Variants in PRDM10 observed in about 807,000 individuals in gnomAD.
PRDM10 encodes the protein PR domain zinc finger protein 10.
In PRDM10, 65 loss-of-function variants were observed where a neutral mutation model predicts 133.1. The ratio of observed to expected loss-of-function variants is 0.49; its 90% CI spans 0.40 to 0.60. PRDM10 has a LOEUF of 0.60. Ranked by LOEUF, PRDM10 falls within the 20% of genes least tolerant of loss-of-function variation. The pLI, the probability that PRDM10 is intolerant of heterozygous loss-of-function variation, is 0.00. For missense variants in PRDM10, 1,137 were observed against 1,507.1 expected, an observed-to-expected ratio of 0.75 and a Z score of 4.07; for synonymous variants, 582 against 580.4, an observed-to-expected ratio of 1.00 and a Z score of -0.04.
At chr11:129,910,137 A>C (rs145083910) in intron 19 of PRDM10, among the ~76,000 whole-genome samples, 44 of 152,366 alleles carry the variant, frequency 2.9e-4, no homozygotes, top group Admixed American at 1.7e-3. Flanking sequence ...TGGCATAGCC[A>C]GTGTCTAGTA....
intron 8 of PRDM10, 41 bp from the exon 9 acceptor site, chr11:129,935,259 T>C (rs774813107): frequency 1.6e-5 from 24 of 1,464,170 alleles, no homozygotes; most frequent in Non-Finnish European, 2.0e-5. Context: ...TGATGACCAA[T>C]AGACACCAGT....
At position 129,932,244 on chromosome 11, in the gene PRDM10, G is replaced by T; in HGVS notation, c.1158-13C>A. The T allele has an allele frequency of 6.2e-7, 1 of 1,613,472 alleles. No individual in the cohort carries two copies. Among genetic ancestry groups the T allele is most frequent in the Non-Finnish European group, 8.5e-7 (1 of 1,179,494 alleles). On this transcript the variant is annotated splice_polypyrimidine_tract_variant and intron_variant, in intron 9 of 20. Coordinates refer to ENST00000360871, the MANE Select transcript of PRDM10 (RefSeq NM_199437.2). Reference sequence around the variant, plus strand: ...TCTGCCTCTTGTTCTGGGGACAAGAGATTGGGTTACAGGTCGTCATGGTTA... The same window carrying T: ...TCTGCCTCTTGTTCTGGGGACAAGATATTGGGTTACAGGTCGTCATGGTTA...
At chr11:129,955,942 G>A (rs1365394815) in intron 3 of PRDM10, among the ~76,000 whole-genome samples, 1 of 152,174 alleles carries the variant, frequency 6.6e-6, no homozygotes, top group African/African-American at 2.4e-5. Context: ...GCTCACGGGA[G>A]TAGACTTGTG....
intron 13 of PRDM10, among the ~76,000 whole-genome samples, chr11:129,921,531 C>A (rs533171232): frequency 6.6e-6 from 1 of 152,136 alleles, no homozygotes; most frequent in African/African-American, 2.4e-5. Flanking sequence ...GATTTATCTG[C>A]GTGAAGAGCT....
intron 1 of PRDM10, among the ~76,000 whole-genome samples, chr11:129,963,323 C>G (rs1337024881): frequency 6.6e-6 from 1 of 150,482 alleles, no homozygotes; most frequent in Non-Finnish European, 1.5e-5. Flanking sequence ...GGGAGGATCC[C>G]TTGAGCCCAG....
At chr11:129,948,258 A>C (rs749560970) in intron 4 of PRDM10, among the ~76,000 whole-genome samples, 2 of 152,212 alleles carry the variant, frequency 1.3e-5, no homozygotes, top group Non-Finnish European at 2.9e-5. Flanking sequence ...CCCTTTATGC[A>C]ATCTTGCTCC....
intron 1 of PRDM10, among the ~76,000 whole-genome samples, chr11:129,980,646 A>T (rs1312736166): frequency 6.6e-6 from 1 of 152,180 alleles, no homozygotes; most frequent in Non-Finnish European, 1.5e-5. Context: ...TTATTATTTG[A>T]CCACAACAAG....
In PRDM10 at chr11:129,962,055, G is replaced by A. The variant is rs986400315; in HGVS notation, c.-118-973C>T. On this transcript the variant is annotated intron_variant, in intron 1 of 20. Transcript: ENST00000360871. Reference sequence around the variant, plus strand: ...AAGTGGAGGGAGCTACATTTTCTGCGTAAAAAATTTGGTGAATGCAAATAC... The same window carrying A: ...AAGTGGAGGGAGCTACATTTTCTGCATAAAAAATTTGGTGAATGCAAATAC... 5.9e-5 allele frequency among the ~76,000 whole-genome samples: 9 copies of A among 152,238 alleles called. No individual in the cohort carries two copies. The East Asian group carries it at 9.7e-4, about 16-fold the overall frequency.
intron 1 of PRDM10, among the ~76,000 whole-genome samples, chr11:129,964,151 G>T (rs1334439536): frequency 6.6e-6 from 1 of 152,124 alleles, no homozygotes; most frequent in South Asian, 2.1e-4. Flanking sequence ...CTTCAGCTTG[G>T]CTCACTGATG....
chr11:130,002,071 G>A (rs1186199651), intron 1 of PRDM10, among the ~76,000 whole-genome samples: 17 of 151,224 alleles, frequency 1.1e-4, no homozygotes, highest in Admixed American at 1.1e-3. Context: ...CCATCGAACA[G>A]GACCCTCCGC....
intron 9 of PRDM10, among the ~76,000 whole-genome samples, chr11:129,933,471 T>TTA (rs1406125274): frequency 3.3e-5 from 5 of 152,076 alleles, no homozygotes; most frequent in East Asian, 1.9e-4. Context: ...TAAGAACTCT[T>TTA]TATATATATA....
intron 13 of PRDM10, among the ~76,000 whole-genome samples, chr11:129,920,001 C>A (rs192017638): frequency 3.3e-5 from 5 of 152,216 alleles, no homozygotes; most frequent in Non-Finnish European, 7.3e-5. Context: ...GGATTAAGGA[C>A]ACTGCCCTAC....
chr11:129,949,349 A>G (rs1365659879), intron 4 of PRDM10, among the ~76,000 whole-genome samples: 1 of 152,232 alleles, frequency 6.6e-6, no homozygotes, highest in Non-Finnish European at 1.5e-5. Flanking sequence ...CAATATGTAT[A>G]TAAGGCCAGT....
chr11:129,989,839 A>G (rs1393079246), intron 1 of PRDM10, among the ~76,000 whole-genome samples: 1 of 152,082 alleles, frequency 6.6e-6, no homozygotes, highest in Non-Finnish European at 1.5e-5. Flanking sequence ...CTACTCGTTC[A>G]CTCTACGACT....
In PRDM10 at chr11:129,923,167, A is replaced by C; in HGVS notation, c.2034+81T>G. 2 of 1,425,116 alleles carry C rather than the reference A, an allele frequency of 1.4e-6. No homozygotes were observed. Among genetic ancestry groups the C allele is most frequent in the African/African-American group, 2.9e-5 (2 of 68,968 alleles). The allele number at this position is 1,425,116 out of a possible 1,614,324, so 88.3% of individuals were successfully genotyped here. A position where few individuals can be genotyped will look rare whatever the true frequency, so the allele number is the denominator to read the frequency against. ...ATCAGAGGTGGGTGATAAACTGATG[A>C]AATGAACAGGCATTTACCCTCAGCT... On this transcript the variant is annotated intron_variant, in intron 13 of 20. Transcript: ENST00000360871. This position sits in a 1 kb window ranked among gnomAD's most constrained non-coding sequence, Gnocchi z 4.4.
chr11:129,966,481 G>A (rs912290894), intron 1 of PRDM10, among the ~76,000 whole-genome samples: 9 of 152,200 alleles, frequency 5.9e-5, no homozygotes, highest in Non-Finnish European at 8.8e-5. Flanking sequence ...CTTCGAATGA[G>A]TCATGTGCAC....
intron 16 of PRDM10, 77 bp from the exon 17 acceptor site, chr11:129,915,095 A>G (rs1456479518): frequency 6.6e-5 from 94 of 1,414,138 alleles, no homozygotes; most frequent in Non-Finnish European, 8.5e-5. Context: ...TAAATCCTCC[A>G]AAGATTCCTA....
At chr11:129,938,502 G>A (rs1444634874) in intron 7 of PRDM10, among the ~76,000 whole-genome samples, 4 of 152,038 alleles carry the variant, frequency 2.6e-5, no homozygotes, top group Non-Finnish European at 5.9e-5. Flanking sequence ...CCGCTCCCTC[G>A]ATTGTTCTCC....
intron 1 of PRDM10, among the ~76,000 whole-genome samples, chr11:129,988,698 C>G (rs562232190): frequency 1.3e-5 from 2 of 151,944 alleles, no homozygotes; most frequent in East Asian, 3.9e-4. Flanking sequence ...GGTGCAATCT[C>G]GGCTCACTGC....
Sources: gnomAD v4.1 joint callset for allele counts (sites outside exome capture counted in the v4.1 genomes callset) on GRCh38, gnomAD v4.1.1 for gene constraint, Gnocchi (gnomAD v3.1) non-coding constraint, MANE v1.5 for transcripts, NCBI Gene and HGNC (gene_info 2026-07-23, HGNC 2026-07-21) for gene names.